The following MAGI2 variants were observed in gnomAD, a reference collection of about 807,000 sequenced individuals.
MAGI2 encodes the protein membrane-associated guanylate kinase, WW and PDZ domain-containing protein 2.
MAGI2 carries 35 observed loss-of-function variants against 133.3 expected under a neutral mutation model. The observed-to-expected ratio is 0.26, with a 90% CI of 0.20 to 0.35. MAGI2 has a LOEUF of 0.35. MAGI2 is among the 10% of genes least tolerant of loss of function. MAGI2 has a pLI of 1.00. For synonymous variants in MAGI2, 729 were observed against 710.6 expected (o/e 1.03, Z -0.41); for missense variants, 1,636 against 1,863.4 (o/e 0.88, Z 2.25).
chr7:79,285,296 C>A (rs1052518891), intron 1 of MAGI2, among the ~76,000 whole-genome samples: 3 of 151,976 alleles, frequency 2.0e-5, no homozygotes, highest in Non-Finnish European at 2.9e-5. Context: ...ATATGACAAC[C>A]AAAGATTCTT....
chr7:78,689,245 T>C (rs1816697706), intron 2 of MAGI2, among the ~76,000 whole-genome samples: 1 of 152,196 alleles, frequency 6.6e-6, no homozygotes, highest in African/African-American at 2.4e-5. Context: ...TTGACCACTC[T>C]AGTTCATAGA....
chr7:79,243,150 CAAAT>C (rs1381265432), intron 1 of MAGI2, among the ~76,000 whole-genome samples: 1 of 151,918 alleles, frequency 6.6e-6, no homozygotes, highest in Non-Finnish European at 1.5e-5. Context: ...AAAGAAAAGA[CAAAT>C]AAAAAAATGA....
At chr7:79,237,652 T>A (rs182024274) in intron 1 of MAGI2, among the ~76,000 whole-genome samples, 39 of 152,344 alleles carry the variant, frequency 2.6e-4, no homozygotes, top group African/African-American at 8.2e-4. Context: ...CAGTTGGAGT[T>A]CTCTACCTAT....
intron 1 of MAGI2, among the ~76,000 whole-genome samples, chr7:79,378,932 A>ATG (rs1563168228): frequency 1.2e-3 from 36 of 29,990 alleles, no homozygotes; most frequent in African/African-American, 4.7e-3. Flanking sequence ...GTGTGTATAT[A>ATG]TATATATATA....
chr7:78,745,914 G>T (rs1380137557), intron 2 of MAGI2, among the ~76,000 whole-genome samples: 1 of 152,098 alleles, frequency 6.6e-6, no homozygotes, highest in East Asian at 1.9e-4. Flanking sequence ...GATCTCTTCT[G>T]CAGTCACCTG....
chr7:79,337,113 T>A (rs939304772), intron 1 of MAGI2, among the ~76,000 whole-genome samples: 2 of 152,136 alleles, frequency 1.3e-5, no homozygotes, highest in African/African-American at 4.8e-5. Context: ...GAGATATACA[T>A]AACATTTATT....
chr7:78,818,518 C>A (rs1385978851), intron 2 of MAGI2, among the ~76,000 whole-genome samples: 2 of 152,044 alleles, frequency 1.3e-5, no homozygotes, highest in African/African-American at 4.8e-5. Context: ...TTATAAAATT[C>A]ATTAATTTAT....
At chr7:78,889,956 G>C (rs544522394) in intron 2 of MAGI2, among the ~76,000 whole-genome samples, 89 of 152,076 alleles carry the variant, frequency 5.9e-4, no homozygotes, top group Non-Finnish European at 8.4e-4. Context: ...GAGTCAAGAC[G>C]CATCAGTGTG....
chr7:78,147,143 G>A (rs1172560558), intron 16 of MAGI2, among the ~76,000 whole-genome samples: 2 of 152,180 alleles, frequency 1.3e-5, no homozygotes, highest in Non-Finnish European at 2.9e-5. Flanking sequence ...AGTGTATACA[G>A]TATGTTTTAA....
At chr7:78,944,357 T>C (rs906892255) in intron 2 of MAGI2, among the ~76,000 whole-genome samples, 2 of 152,142 alleles carry the variant, frequency 1.3e-5, no homozygotes, top group African/African-American at 4.8e-5. Flanking sequence ...CATTTCTTCA[T>C]CTTTTCCCCC....
chr7:79,077,596 T>TAAAAAAAAAAAAA (rs1386891932), intron 1 of MAGI2, among the ~76,000 whole-genome samples: 1 of 40,126 alleles, frequency 2.5e-5, no homozygotes, highest in African/African-American at 7.9e-5. Flanking sequence ...AAAAAAAAAA[T>TAAAAAAAAAAAAA]AAATAAATAA....
chr7:79,058,861 T>C lies in MAGI2; in HGVS notation c.302-51655A>G, dbSNP rs371083343. Among the ~76,000 whole-genome samples, 10 of 152,236 alleles carry C rather than the reference T, an allele frequency of 6.6e-5. No homozygotes were observed. The South Asian group carries it at 2.1e-3, about 32-fold the overall frequency. ...GTGATGCAGGGCACCCCTGGGTAAA[T>C]TACTTTTCCTCTCTAATCTTTAGTG... On this transcript the variant is annotated intron_variant, in intron 1 of 21. Transcript: ENST00000354212.
intron 1 of MAGI2, among the ~76,000 whole-genome samples, chr7:79,168,920 ATATATATATATAT>A (rs1825241400): frequency 2.0e-5 from 1 of 49,788 alleles, no homozygotes; most frequent in African/African-American, 6.0e-5. Context: ...ATATATATAT[ATATATATATATAT>A]AAATTTTTTT....
chr7:78,559,136 C>CAAAAAAAAAAAAAAAAAAAAAAAAA (rs71085541), intron 3 of MAGI2, among the ~76,000 whole-genome samples: 2 of 54,728 alleles, frequency 3.7e-5, no homozygotes, highest in Non-Finnish European at 6.0e-5. Context: ...TCTGAATTTC[C>CAAAAAAAAAAAAAAAAAAAAAAAAA]AAAAAAAAAA....
intron 1 of MAGI2, among the ~76,000 whole-genome samples, chr7:79,032,548 C>T (rs1810706498): frequency 2.0e-5 from 3 of 149,612 alleles, no homozygotes; most frequent in Admixed American, 2.0e-4. Context: ...CTGCAGGGCA[C>T]ATTACCCATT....
At chr7:79,192,405 T>A (rs562517925) in intron 1 of MAGI2, among the ~76,000 whole-genome samples, 1 of 151,872 alleles carries the variant, frequency 6.6e-6, no homozygotes, top group Admixed American at 6.6e-5. Flanking sequence ...TTTAGAATGG[T>A]TAATCAAAAA....
intron 2 of MAGI2, among the ~76,000 whole-genome samples, chr7:78,772,524 C>G (rs894605992): frequency 7.2e-5 from 11 of 152,182 alleles, no homozygotes; most frequent in Non-Finnish European, 1.6e-4. Flanking sequence ...AACTCTTACA[C>G]AAACAGCCTC....
At chr7:79,293,706 T>C (rs1836682615) in intron 1 of MAGI2, among the ~76,000 whole-genome samples, 2 of 152,204 alleles carry the variant, frequency 1.3e-5, no homozygotes, top group Non-Finnish European at 2.9e-5. Context: ...CCAAAATCAC[T>C]GGTCAAGGGA....
intron 2 of MAGI2, among the ~76,000 whole-genome samples, chr7:78,655,261 C>G (rs1466475587): frequency 6.6e-6 from 1 of 151,792 alleles, no homozygotes; most frequent in Non-Finnish European, 1.5e-5. Context: ...TTTCAGTTAT[C>G]AAGGCCCTGA....
Sources: gnomAD v4.1 joint callset for allele counts (sites outside exome capture counted in the v4.1 genomes callset) on GRCh38, gnomAD v4.1.1 for gene constraint, MANE v1.5 for transcripts, NCBI Gene and HGNC (gene_info 2026-07-23, HGNC 2026-07-21) for gene names.